The following ARHGAP10 variants were observed in gnomAD, a reference collection of about 807,000 sequenced individuals.
ARHGAP10 encodes the protein rho GTPase-activating protein 10.
In ARHGAP10, 87 loss-of-function variants were observed where a neutral mutation model predicts 108.6. The ratio of observed to expected loss-of-function variants is 0.80; its 90% CI spans 0.67 to 0.96. The LOEUF is 0.96. Ranked by LOEUF, ARHGAP10 falls within the 40% of genes least tolerant of loss-of-function variation. The pLI is 0.00. For missense variants in ARHGAP10, 939 were observed against 954.5 expected, an observed-to-expected ratio of 0.98 and a Z score of 0.21; for synonymous variants, 347 against 341.1, an observed-to-expected ratio of 1.02 and a Z score of -0.19.
chr4:148,032,525 GGTTCAACCTATA>G (rs1560884510), intron 19 of ARHGAP10, among the ~76,000 whole-genome samples: 1 of 151,692 alleles, frequency 6.6e-6, no homozygotes, highest in African/African-American at 2.4e-5. Context: ...ATTTTTATAT[GGTTCAACCTATA>G]GTTTCCTGTC....
At chr4:147,844,410 A>G (rs1480625671) in intron 3 of ARHGAP10, among the ~76,000 whole-genome samples, 1 of 152,150 alleles carries the variant, frequency 6.6e-6, no homozygotes, top group Admixed American at 6.5e-5. Flanking sequence ...CTGTTGTGTT[A>G]TCAAATACTA....
intron 13 of ARHGAP10, among the ~76,000 whole-genome samples, chr4:147,915,277 T>G (rs1340649880): frequency 1.3e-5 from 2 of 152,256 alleles, no homozygotes; most frequent in Non-Finnish European, 2.9e-5. Flanking sequence ...TTTCATTCAT[T>G]TCAATCTGCA....
chr4:147,864,519 G>A (rs1734462376), intron 5 of ARHGAP10: 2 of 200,682 alleles, frequency 1.0e-5, no homozygotes, highest in Non-Finnish European at 2.0e-5. Context: ...AAGAAGAGAA[G>A]TCCCTTTGAT....
In ARHGAP10 at chr4:148,003,654, T is replaced by G. The variant is rs568094211; in HGVS notation, c.1717-19609T>G. Among the ~76,000 whole-genome samples the G allele has an allele frequency of 5.9e-5, 9 of 152,358 alleles. 1 individual carries two copies. Among genetic ancestry groups the G allele is most frequent in the Admixed American group, 5.9e-4 (9 of 15,306 alleles). ...GCTCTTCTTGTTGAATTGATCCCTT[T>G]ACCATTATGTAATGGCCTTCTTTGT... is the stretch of plus-strand genomic sequence containing the variant. On this transcript the variant is annotated intron_variant, in intron 18 of 22. Coordinates refer to ENST00000336498, the MANE Select transcript of ARHGAP10 (RefSeq NM_024605.4).
chr4:147,976,541 G>T (rs1402747595), intron 18 of ARHGAP10, among the ~76,000 whole-genome samples: 255 of 140,432 alleles, frequency 1.8e-3, no homozygotes, highest in African/African-American at 5.2e-3. Context: ...TTTGTGTGTG[G>T]TTTTTTTTTT....
At chr4:147,961,527 G>A (rs941778119) in intron 16 of ARHGAP10, among the ~76,000 whole-genome samples, 19 of 151,920 alleles carry the variant, frequency 1.3e-4, no homozygotes, top group African/African-American at 4.1e-4. Context: ...AGTATTACAG[G>A]TATTTAACTT....
intron 8 of ARHGAP10, among the ~76,000 whole-genome samples, chr4:147,877,977 C>A (rs1220907016): frequency 6.6e-6 from 1 of 152,162 alleles, no homozygotes; most frequent in Non-Finnish European, 1.5e-5. Context: ...TGCTCTGTCA[C>A]CCAGGCTGGA....
intron 18 of ARHGAP10, among the ~76,000 whole-genome samples, chr4:147,986,726 A>G (rs1350280979): frequency 1.3e-5 from 2 of 152,248 alleles, no homozygotes; most frequent in African/African-American, 2.4e-5. Flanking sequence ...CTAAGTGCTC[A>G]TATTCTGTAA....
At chr4:147,762,975 G>C (rs1028708721) in intron 1 of ARHGAP10, among the ~76,000 whole-genome samples, 1 of 152,082 alleles carries the variant, frequency 6.6e-6, no homozygotes, top group Non-Finnish European at 1.5e-5. Context: ...TATGGTTAAG[G>C]AGACAGGACA....
At chr4:148,040,176 A>G (rs1198247977) in intron 19 of ARHGAP10, among the ~76,000 whole-genome samples, 4 of 152,348 alleles carry the variant, frequency 2.6e-5, no homozygotes, top group African/African-American at 7.2e-5. Context: ...GGATAGGCCA[A>G]ATCATCCCCC....
chr4:147,821,410 C>G, intron 1 of ARHGAP10, among the ~76,000 whole-genome samples: 1 of 152,160 alleles, frequency 6.6e-6, no homozygotes, highest in African/African-American at 2.4e-5. Flanking sequence ...ATGCTTGGTG[C>G]TTTTCTTCTA....
chr4:147,736,105 A>T (rs1728400749), intron 1 of ARHGAP10, among the ~76,000 whole-genome samples: 1 of 149,660 alleles, frequency 6.7e-6, no homozygotes, highest in African/African-American at 2.5e-5. Context: ...TCTGTAGTGA[A>T]CTTAAATTGT....
chr4:147,966,845 ATT>A lies in ARHGAP10; in HGVS notation c.1716+15_1716+16del. 6.6e-7 allele frequency: 1 copy of A among 1,515,862 alleles called. No homozygotes were observed. Among genetic ancestry groups the A allele is most frequent in the Non-Finnish European group, 9.0e-7 (1 of 1,117,168 alleles). 93.9% of individuals were successfully genotyped at this position (1,515,862 alleles called of 1,614,324 possible). ...TAATTGAAAACCATGAAAAGGTAAAATTTTTTTTTTCTTTAAGAGACTTTGTT... is the reference window on the plus strand; with the variant it reads ...TAATTGAAAACCATGAAAAGGTAAAATTTTTTTTCTTTAAGAGACTTTGTT... On this transcript the variant is annotated splice_region_variant and intron_variant, in intron 18 of 22. Coordinates refer to ENST00000336498, the MANE Select transcript of ARHGAP10 (RefSeq NM_024605.4).
intron 10 of ARHGAP10, 117 bp from the exon 11 acceptor site, chr4:147,906,521 A>G (rs61688243): frequency 1.1e-6 from 1 of 871,822 alleles, no homozygotes; most frequent in African/African-American, 1.7e-5. Context: ...ATTTTAGGTT[A>G]CATGTATTTT....
chr4:147,782,479 T>C (rs544913632), intron 1 of ARHGAP10: 1 of 152,130 alleles, frequency 6.6e-6, no homozygotes, highest in Non-Finnish European at 1.5e-5. Context: ...GAAAGAGTCG[T>C]CTTAACATCA....
chr4:147,882,302 A>G (rs1735358151), intron 10 of ARHGAP10, among the ~76,000 whole-genome samples: 1 of 152,064 alleles, frequency 6.6e-6, no homozygotes, highest in Admixed American at 6.5e-5. Context: ...CTCTACTAAA[A>G]AGACAAAAAA....
chr4:147,836,043 A>G (rs1733157596), intron 3 of ARHGAP10, among the ~76,000 whole-genome samples: 1 of 152,220 alleles, frequency 6.6e-6, no homozygotes, highest in Admixed American at 6.5e-5. Flanking sequence ...GTGTACTTAA[A>G]AACAAATCTT....
At chr4:147,990,877 G>A (rs1296646004) in intron 18 of ARHGAP10, among the ~76,000 whole-genome samples, 1 of 152,056 alleles carries the variant, frequency 6.6e-6, no homozygotes, top group Non-Finnish European at 1.5e-5. Flanking sequence ...CGGGCCTGGT[G>A]TTGTGGTGCA....
intron 1 of ARHGAP10, among the ~76,000 whole-genome samples, chr4:147,800,402 G>A (rs1731532393): frequency 6.6e-6 from 1 of 152,154 alleles, no homozygotes; most frequent in African/African-American, 2.4e-5. Flanking sequence ...TTGTGGCTGG[G>A]GAGTCTTGTG....
Sources: gnomAD v4.1 joint callset for allele counts (sites outside exome capture counted in the v4.1 genomes callset) on GRCh38, gnomAD v4.1.1 for gene constraint, MANE v1.5 for transcripts, NCBI Gene and HGNC (gene_info 2026-07-23, HGNC 2026-07-21) for gene names.